The following TERT variants were observed in gnomAD, a reference collection of about 807,000 sequenced individuals.
The protein encoded by TERT is telomerase reverse transcriptase.
In TERT, 42 loss-of-function variants were observed where a neutral mutation model predicts 104.0. That is an observed-to-expected ratio of 0.40 (90% CI 0.32 to 0.52). TERT has a LOEUF of 0.52. Among genes scored for constraint, TERT ranks in the 20% least tolerant of loss-of-function variants. The probability of loss-of-function intolerance (pLI) is 0.43; values close to 1 mark genes in which losing one functional copy is unlikely to be tolerated. For synonymous variants in TERT, 781 were observed against 725.6 expected, an observed-to-expected ratio of 1.08 and a Z score of -1.23; for missense variants, 1,101 against 1,610.3, an observed-to-expected ratio of 0.68 and a Z score of 5.41.
chr5:1,271,214 C>T lies in TERT; in HGVS notation c.2383-10G>A, dbSNP rs1749009264. 2 of 1,608,040 alleles carry T rather than the reference C, an allele frequency of 1.2e-6. No individual in the cohort carries two copies. The highest frequency in any genetic ancestry group is 2.7e-5 in the African/African-American group (2 of 74,834). ...CATTCAGGGAGGAGCTCTGCGAAAG[C>T]AGACGGGAGACACATGGGAGTGAGC... On this transcript the variant is annotated splice_polypyrimidine_tract_variant and intron_variant, in intron 7 of 15. Transcript: ENST00000310581.
intron 2 of TERT, among the ~76,000 whole-genome samples, chr5:1,284,695 C>T (rs113205572): frequency 2.1e-5 from 3 of 140,868 alleles, no homozygotes; most frequent in African/African-American, 5.3e-5. Flanking sequence ...GCGACCTCAC[C>T]CCAGACCTGC....
In TERT at chr5:1,280,220, GC is replaced by G. The variant is rs765087191; in HGVS notation, c.1887del (p.Leu630CysfsTer5). The G allele has an allele frequency of 6.2e-7, 1 of 1,614,008 alleles. No individual in the cohort carries two copies. The highest frequency in any genetic ancestry group is 1.1e-5 in the South Asian group (1 of 91,090). On this transcript the variant is annotated frameshift_variant, in exon 4 of 16. Coordinates refer to ENST00000310581, the MANE Select transcript of TERT (RefSeq NM_198253.3). LOFTEE classifies it high-confidence loss of function. ...TAGTCCATGTTCACAATCGGCCGCAGCCCGTCAGGCTTGGGGATGAAGCGGA... is the reference window on the plus strand; with the variant it reads ...TAGTCCATGTTCACAATCGGCCGCAGCCGTCAGGCTTGGGGATGAAGCGGA... ...SRLRFIPKPD[G>X]LRPIVNMDYV... is the part of the protein sequence containing the mutation.
At chr5:1,273,812 A>G (rs566781386) in intron 6 of TERT, among the ~76,000 whole-genome samples, 18 of 149,466 alleles carry the variant, frequency 1.2e-4, no homozygotes, top group African/African-American at 4.2e-4. Flanking sequence ...CAGTCACCAC[A>G]CATCAGACCC....
chr5:1,262,380 C>T lies in TERT; in HGVS notation c.2844-1780G>A, dbSNP rs1420156261. Among the ~76,000 whole-genome samples, 7 of 152,226 alleles carry T rather than the reference C, an allele frequency of 4.6e-5. No individual in the cohort carries two copies. The highest frequency in any genetic ancestry group is 7.3e-5 in the Non-Finnish European group (5 of 68,038). On this transcript the variant is annotated intron_variant, in intron 11 of 15. Transcript: ENST00000310581. The surrounding 1 kb of genome is among the most constrained non-coding windows in gnomAD (Gnocchi z 5.6). ...GTCCATCAGTTCTGACCACATTCTA[C>T]CATCTGAGCTGTGGTTTGGGAGACT...
chr5:1,279,828 C>T (rs1443881472), intron 4 of TERT, among the ~76,000 whole-genome samples: 1 of 152,216 alleles, frequency 6.6e-6, no homozygotes, highest in Non-Finnish European at 1.5e-5. Flanking sequence ...CCCCGGGCCC[C>T]GTAAGCGGAA....
chr5:1,282,664 G>T (rs1406554864), intron 2 of TERT, 40 bp from the exon 3 acceptor site: 1 of 1,602,122 alleles, frequency 6.2e-7, no homozygotes, highest in African/African-American at 1.3e-5. Context: ...ATCACCGAGG[G>T]CCTGGTGACC....
intron 12 of TERT, among the ~76,000 whole-genome samples, chr5:1,259,626 CACGGAT>C (rs1748054892): frequency 1.6e-5 from 2 of 121,320 alleles, no homozygotes; most frequent in East Asian, 2.6e-4. Context: ...GGGGAGTGGA[CACGGAT>C]GCCCACAGGA....
intron 3 of TERT, 83 bp from the exon 4 acceptor site, chr5:1,280,421 C>T (rs886221480): frequency 4.0e-5 from 59 of 1,468,730 alleles, no homozygotes; most frequent in Admixed American, 1.9e-4. Context: ...AAGCCCCCAC[C>T]GACTCAGTGA....
chr5:1,290,389 G>A (rs1309015290), intron 2 of TERT, among the ~76,000 whole-genome samples: 17 of 56,012 alleles, frequency 3.0e-4, no homozygotes, highest in East Asian at 1.4e-3. Flanking sequence ...CGGGGACGGC[G>A]CCTCACTCAC....
chr5:1,282,376 G>A (rs1750078358), intron 3 of TERT, 53 bp downstream of exon 3: 1 of 1,584,550 alleles, frequency 6.3e-7, no homozygotes. Context: ...GCTGAGGCCG[G>A]GCTGGTGTTC....
In TERT at chr5:1,263,652, C is replaced by G. The variant is rs762145856; in HGVS notation, c.2843+752G>C. ...AACTCCTGGCCTCAAGTGATCCACC[C>G]ACCTCGGCCTCCCAAAGTGCTGGGA... On this transcript the variant is annotated intron_variant, in intron 11 of 15. Transcript: ENST00000310581. This position sits in a 1 kb window ranked among gnomAD's most constrained non-coding sequence, Gnocchi z 5.3. Among the ~76,000 whole-genome samples, 22 of 152,212 alleles carry G rather than the reference C, an allele frequency of 1.4e-4. No individual in the cohort carries two copies. Among genetic ancestry groups the G allele is most frequent in the Non-Finnish European group, 3.1e-4 (21 of 68,038 alleles).
intron 6 of TERT, among the ~76,000 whole-genome samples, chr5:1,277,964 C>T (rs1211998569): frequency 6.6e-6 from 1 of 152,210 alleles, no homozygotes; most frequent in Non-Finnish European, 1.5e-5. Flanking sequence ...TGCCGAGCCC[C>T]AAGGCCCCCG....
rs1554041994 is a variant in TERT, at chr5:1,287,508, A to AAATAT, written c.1574-4885_1574-4884insATATT. Reference sequence around the variant, plus strand: ...CCAAGACTCTGTCTCAAAAAAAAAAAATATATATATATATATATAAATTAA... The same window carrying AAATAT: ...CCAAGACTCTGTCTCAAAAAAAAAAAAATATATATATATATATATATATAAATTAA... On this transcript the variant is annotated intron_variant, in intron 2 of 15. Transcript: ENST00000310581. The surrounding 1 kb of genome is among the most constrained non-coding windows in gnomAD (Gnocchi z 4.3). Among the ~76,000 whole-genome samples the AAATAT allele has an allele frequency of 3.0e-3, 428 of 140,696 alleles. 3 individuals carry two copies. Among genetic ancestry groups the AAATAT allele is most frequent in the African/African-American group, 0.011 (417 of 36,862 alleles). 92.3% of individuals were successfully genotyped at this position (140,696 alleles called of 152,430 possible).
At chr5:1,260,162 TACTC>T (rs1748121053) in intron 12 of TERT, among the ~76,000 whole-genome samples, 2 of 152,182 alleles carry the variant, frequency 1.3e-5, no homozygotes, top group South Asian at 4.1e-4. Context: ...GCACACATGC[TACTC>T]ACACTGCACA....
chr5:1,290,510 A>G (rs1464987902), intron 2 of TERT, among the ~76,000 whole-genome samples: 3 of 39,708 alleles, frequency 7.6e-5, no homozygotes, highest in Admixed American at 2.7e-4. Flanking sequence ...ACACCCGGGG[A>G]CAGCGCCTCA....
At chr5:1,258,724 T>C in intron 12 of TERT, 65 bp from the exon 13 acceptor site, 1 of 1,370,182 alleles carries the variant, frequency 7.3e-7, no homozygotes, top group Non-Finnish European at 1.0e-6. Context: ...TTTTTACTTT[T>C]TGCTTTATCA....
chr5:1,294,916 GC>G lies in TERT; in HGVS notation c.73del (p.Ala25ProfsTer53). 1.4e-6 allele frequency: 2 copies of G among 1,429,580 alleles called. No homozygotes were observed. The highest frequency in any genetic ancestry group is 2.9e-5 in the South Asian group (2 of 69,844). The allele number at this position is 1,429,580 out of a possible 1,614,324, so 88.6% of individuals were successfully genotyped here. On this transcript the variant is annotated frameshift_variant, in exon 1 of 16. Transcript: ENST00000310581. LOFTEE classifies it high-confidence loss of function. ...GGGCCCCAGGCGCCGCACGAACGTGGCCAGCGGCAGCACCTCGCGGTAGTGG... is the reference window on the plus strand; with the variant it reads ...GGGCCCCAGGCGCCGCACGAACGTGGCAGCGGCAGCACCTCGCGGTAGTGG... ...RSHYREVLPL[A>X]TFVRRLGPQG...
intron 14 of TERT, among the ~76,000 whole-genome samples, chr5:1,254,808 G>T (rs1478327782): frequency 6.6e-6 from 1 of 152,194 alleles, no homozygotes; most frequent in Non-Finnish European, 1.5e-5. Context: ...GGCAGAGGAC[G>T]GTGACTGGGA....
chr5:1,272,353 G>T (rs550755760), intron 6 of TERT, 73 bp from the exon 7 acceptor site: 13 of 1,312,270 alleles, frequency 9.9e-6, no homozygotes, highest in African/African-American at 2.9e-5. Flanking sequence ...TGTTTCTTCC[G>T]ATCAGGACGT....
Sources: gnomAD v4.1 joint callset for allele counts (sites outside exome capture counted in the v4.1 genomes callset) on GRCh38, gnomAD v4.1.1 for gene constraint, Gnocchi (gnomAD v3.1) non-coding constraint, MANE v1.5 for transcripts, NCBI Gene and HGNC (gene_info 2026-07-23, HGNC 2026-07-21) for gene names.